MEIS2: variants seen among roughly 807,000 people sequenced by gnomAD.
MEIS2 encodes the protein Meis homeobox 2, also known as homeobox protein Meis2.
MEIS2 carries 9 observed loss-of-function variants against 58.6 expected under a neutral mutation model. The observed-to-expected ratio is 0.15, with a 90% CI of 0.09 to 0.27. The LOEUF is 0.27. MEIS2 is among the 10% of genes least tolerant of loss of function. MEIS2 has a pLI of 1.00. For synonymous variants in MEIS2, 221 were observed against 228.4 expected (o/e 0.97, Z 0.29); for missense variants, 427 against 635.0 (o/e 0.67, Z 3.52).
At chr15:36,984,208 T>C (rs1399501875) in intron 8 of MEIS2, among the ~76,000 whole-genome samples, 4 of 152,104 alleles carry the variant, frequency 2.6e-5, no homozygotes, top group African/African-American at 7.2e-5. Flanking sequence ...GGAGTGAGTT[T>C]CTTGTCTTGC....
chr15:37,038,929 G>A (rs2062288125), intron 7 of MEIS2, among the ~76,000 whole-genome samples: 1 of 152,132 alleles, frequency 6.6e-6, no homozygotes, highest in South Asian at 2.1e-4. Flanking sequence ...CACACTAATG[G>A]CTTCTGACTG....
intron 1 of MEIS2, 185 bp from the exon 2 acceptor site, chr15:37,098,384 GAGA>G (rs2140101664): frequency 5.3e-6 from 4 of 753,392 alleles, no homozygotes; most frequent in Admixed American, 7.0e-5. Flanking sequence ...GAGGGGGAGA[GAGA>G]GAGAGAGAGA....
chr15:36,911,270 C>CAT (rs1953697270), intron 9 of MEIS2, among the ~76,000 whole-genome samples: 1 of 149,886 alleles, frequency 6.7e-6, no homozygotes, highest in Admixed American at 6.7e-5. Flanking sequence ...TTAAGAATAA[C>CAT]GTGTGTGTGT....
chr15:37,048,868 A>G (rs1278895282), intron 7 of MEIS2, among the ~76,000 whole-genome samples: 1 of 152,192 alleles, frequency 6.6e-6, no homozygotes, highest in Non-Finnish European at 1.5e-5. Flanking sequence ...TTTTAGGTGA[A>G]TACTTTTTAA....
intron 8 of MEIS2, among the ~76,000 whole-genome samples, chr15:36,954,461 A>G (rs1171270255): frequency 6.8e-6 from 1 of 147,898 alleles, no homozygotes; most frequent in Non-Finnish European, 1.5e-5. Flanking sequence ...TTGTAATTAT[A>G]TATAATTATA....
chr15:37,088,429 T>C (rs1893145082), intron 6 of MEIS2, among the ~76,000 whole-genome samples: 1 of 152,222 alleles, frequency 6.6e-6, no homozygotes, highest in African/African-American at 2.4e-5. Flanking sequence ...AACTTTATAA[T>C]GTTTTAACTC....
At chr15:37,062,932 G>A (rs1889416294) in intron 7 of MEIS2, among the ~76,000 whole-genome samples, 1 of 152,124 alleles carries the variant, frequency 6.6e-6, no homozygotes, top group African/African-American at 2.4e-5. Flanking sequence ...GGGGTAAGAC[G>A]TCTCTTCAGT....
chr15:37,005,988 T>G (rs901532474), intron 8 of MEIS2, among the ~76,000 whole-genome samples: 1 of 152,162 alleles, frequency 6.6e-6, no homozygotes, highest in Non-Finnish European at 1.5e-5. Flanking sequence ...AAATGGGGGG[T>G]TCTGTAAAGC....
chr15:37,059,808 G>A (rs1786828413), intron 7 of MEIS2, among the ~76,000 whole-genome samples: 1 of 152,080 alleles, frequency 6.6e-6, no homozygotes, highest in Non-Finnish European at 1.5e-5. Context: ...GGGTGTGGTG[G>A]CACACACCTG....
intron 6 of MEIS2, among the ~76,000 whole-genome samples, chr15:37,089,714 C>T (rs1435914813): frequency 2.0e-5 from 3 of 152,000 alleles, no homozygotes; most frequent in African/African-American, 7.2e-5. Context: ...CTAGGAATAA[C>T]AATATAATTG....
intron 6 of MEIS2, among the ~76,000 whole-genome samples, chr15:37,084,176 C>A (rs1431399674): frequency 6.6e-6 from 1 of 151,708 alleles, no homozygotes; most frequent in Admixed American, 6.6e-5. Flanking sequence ...CAAATTTAAA[C>A]CTAAACAAAG....
chr15:37,098,957 C>T, intron 1 of MEIS2: 1 of 985,488 alleles, frequency 1.0e-6, no homozygotes, highest in African/African-American at 1.7e-5. Flanking sequence ...AGAGACAAAA[C>T]AAGCAGCCCA....
At chr15:36,957,393 T>C (rs1414659500) in intron 8 of MEIS2, among the ~76,000 whole-genome samples, 1 of 152,226 alleles carries the variant, frequency 6.6e-6, no homozygotes, top group African/African-American at 2.4e-5. Flanking sequence ...TTAGGGTTAT[T>C]TGAATTCAGT....
At chr15:37,074,583 C>A (rs1310939534) in intron 7 of MEIS2, among the ~76,000 whole-genome samples, 1 of 151,794 alleles carries the variant, frequency 6.6e-6, no homozygotes, top group South Asian at 2.1e-4. Flanking sequence ...AAGGACACAG[C>A]CAAGGTCATA....
At chr15:37,087,299 T>C (rs1187458721) in intron 6 of MEIS2, among the ~76,000 whole-genome samples, 1 of 152,092 alleles carries the variant, frequency 6.6e-6, no homozygotes, top group East Asian at 1.9e-4. Context: ...TCTTACGTAA[T>C]TGTGTTACAG....
chr15:37,035,480 G>A (rs958357314), intron 8 of MEIS2, among the ~76,000 whole-genome samples: 1 of 152,060 alleles, frequency 6.6e-6, no homozygotes, highest in Non-Finnish European at 1.5e-5. Context: ...ATTTGCTTAG[G>A]ACTCATTATT....
chr15:37,095,374 A>T (rs984406841), intron 4 of MEIS2, among the ~76,000 whole-genome samples, 190 bp downstream of exon 4: 3 of 152,112 alleles, frequency 2.0e-5, no homozygotes, highest in Admixed American at 1.3e-4. Flanking sequence ...TTCGCTCCCC[A>T]CCGCGTTCAT....
chr15:36,922,043 G>A (rs1051314033), intron 9 of MEIS2, among the ~76,000 whole-genome samples: 1 of 152,148 alleles, frequency 6.6e-6, no homozygotes, highest in African/African-American at 2.4e-5. Context: ...TTTGGCTTAG[G>A]GATATCATTT....
At chr15:36,987,170 G>C (rs1189879279) in intron 8 of MEIS2, among the ~76,000 whole-genome samples, 1 of 152,116 alleles carries the variant, frequency 6.6e-6, no homozygotes, top group Admixed American at 6.6e-5. Context: ...AACTTTGGGA[G>C]GCCAAGGCGG....
Sources: allele counts gnomAD v4.1 joint callset (sites outside exome capture counted in the v4.1 genomes callset), GRCh38; gene constraint gnomAD v4.1.1; transcripts MANE v1.5; gene names NCBI Gene and HGNC (gene_info 2026-07-23, HGNC 2026-07-21).